The following ELMO1 variants were observed in gnomAD, a reference collection of about 807,000 sequenced individuals.
The protein encoded by ELMO1 is engulfment and cell motility 1, also known as engulfment and cell motility protein 1.
Under a neutral mutation model 98.9 loss-of-function variants are expected in ELMO1, and 26 were observed. That is an observed-to-expected ratio of 0.26 (90% CI 0.19 to 0.36). The LOEUF (loss-of-function observed/expected upper bound fraction) is 0.36. ELMO1 is among the 10% of genes least tolerant of loss of function. The probability of loss-of-function intolerance (pLI) is 1.00; values close to 1 mark genes in which losing one functional copy is unlikely to be tolerated. For missense variants in ELMO1, 627 were observed against 935.2 expected, an observed-to-expected ratio of 0.67 and a Z score of 4.30; for synonymous variants, 346 against 346.0, an observed-to-expected ratio of 1.00 and a Z score of 0.00.
chr7:36,914,418 AT>A (rs1784547377), intron 16 of ELMO1, among the ~76,000 whole-genome samples: 1 of 152,212 alleles, frequency 6.6e-6, no homozygotes, highest in African/African-American at 2.4e-5. Flanking sequence ...TGAAATAGAG[AT>A]GATAAAATTT....
chr7:37,425,752 A>G (rs1338870252), intron 1 of ELMO1, among the ~76,000 whole-genome samples: 4 of 152,232 alleles, frequency 2.6e-5, no homozygotes, highest in African/African-American at 9.6e-5. Context: ...TTGGAGAAAA[A>G]GGGAACCTGT....
intron 16 of ELMO1, among the ~76,000 whole-genome samples, chr7:36,941,555 T>C (rs944964806): frequency 1.3e-5 from 2 of 152,220 alleles, no homozygotes; most frequent in African/African-American, 4.8e-5. Context: ...TTCACAAACA[T>C]TTGGTCATGT....
chr7:36,889,729 C>T (rs1055530387), intron 17 of ELMO1, among the ~76,000 whole-genome samples: 1 of 152,188 alleles, frequency 6.6e-6, no homozygotes, highest in Non-Finnish European at 1.5e-5. Flanking sequence ...CCAGAGGTGC[C>T]TGTCACAACG....
chr7:37,101,045 CT>C (rs2129264609), intron 14 of ELMO1, among the ~76,000 whole-genome samples: 1 of 152,362 alleles, frequency 6.6e-6, no homozygotes, highest in East Asian at 1.9e-4. Context: ...CTTCCTGTTT[CT>C]GCATGGCCCA....
chr7:37,124,282 T>C (rs1304672578), intron 14 of ELMO1, among the ~76,000 whole-genome samples: 2 of 152,084 alleles, frequency 1.3e-5, no homozygotes, highest in Non-Finnish European at 2.9e-5. Context: ...AAGTTCTGCC[T>C]AGCGCAATCA....
At chr7:36,960,606 C>CA (rs1280835560) in intron 16 of ELMO1, among the ~76,000 whole-genome samples, 33 of 152,124 alleles carry the variant, frequency 2.2e-4, no homozygotes, top group African/African-American at 8.0e-4. Flanking sequence ...CCATCCCCCC[C>CA]ACTCACTCAC....
chr7:37,261,697 GA>G (rs2130805629), intron 5 of ELMO1, among the ~76,000 whole-genome samples: 1 of 152,182 alleles, frequency 6.6e-6, no homozygotes, highest in South Asian at 2.1e-4. Flanking sequence ...CCGCCTCCCA[GA>G]TTCAAGCGAT....
intron 1 of ELMO1, among the ~76,000 whole-genome samples, chr7:37,420,722 A>C (rs1049518143): frequency 2.0e-5 from 3 of 152,200 alleles, no homozygotes; most frequent in Non-Finnish European, 4.4e-5. Flanking sequence ...ATGCATTTTA[A>C]AGTGATCAAA....
chr7:37,341,262 T>G (rs1257951361), intron 2 of ELMO1, among the ~76,000 whole-genome samples: 1 of 152,190 alleles, frequency 6.6e-6, no homozygotes, highest in African/African-American at 2.4e-5. Context: ...GAGACCAACT[T>G]CCATCTCACT....
intron 15 of ELMO1, among the ~76,000 whole-genome samples, chr7:37,031,552 G>A (rs1794883156): frequency 6.6e-6 from 1 of 152,108 alleles, no homozygotes; most frequent in Non-Finnish European, 1.5e-5. Flanking sequence ...ACTTCCAGGG[G>A]ATTCTTTTAC....
intron 6 of ELMO1, among the ~76,000 whole-genome samples, chr7:37,257,617 C>A (rs984409062): frequency 5.0e-5 from 7 of 140,646 alleles, no homozygotes; most frequent in Admixed American, 2.2e-4. Context: ...CAAGTCCCAG[C>A]ACTTCTGGGA....
At position 37,133,490 on chromosome 7, in the gene ELMO1, T is replaced by C. The variant is rs150784848; in HGVS notation, c.1087-256A>G. On this transcript the variant is annotated intron_variant, in intron 13 of 21. Coordinates refer to ENST00000310758, the MANE Select transcript of ELMO1 (RefSeq NM_014800.11). Reference sequence around the variant, plus strand: ...AGCTAAATATTCAAACATAGGATTATTCTTAGACATGTGACATTGTGAGAA... The same window carrying C: ...AGCTAAATATTCAAACATAGGATTACTCTTAGACATGTGACATTGTGAGAA... Among the ~76,000 whole-genome samples, 344 of 152,306 alleles carry C rather than the reference T, an allele frequency of 2.3e-3. 1 individual carries two copies. The highest frequency in any genetic ancestry group is 7.8e-3 in the African/African-American group (323 of 41,564).
intron 1 of ELMO1, among the ~76,000 whole-genome samples, chr7:37,427,216 CAACT>C (rs1804747350): frequency 6.6e-6 from 1 of 152,196 alleles, no homozygotes; most frequent in Non-Finnish European, 1.5e-5. Context: ...AGAATGACAT[CAACT>C]TCCAGAATAC....
chr7:37,049,128 C>T (rs116984728), intron 15 of ELMO1, among the ~76,000 whole-genome samples: 2,138 of 152,238 alleles, frequency 0.014, 19 homozygotes, highest in Middle Eastern at 0.041. Flanking sequence ...AGCGACCACC[C>T]TGTTAATGTT....
chr7:37,187,322 G>A (rs1791271372), intron 13 of ELMO1, among the ~76,000 whole-genome samples: 1 of 152,160 alleles, frequency 6.6e-6, no homozygotes, highest in Non-Finnish European at 1.5e-5. Context: ...AGATTGGGGT[G>A]ACAGCTAATG....
In ELMO1 at chr7:36,985,027, CAA is replaced by C. The variant is rs915049573; in HGVS notation, c.1437+28270_1437+28271del. On this transcript the variant is annotated intron_variant, in intron 16 of 21. Transcript: ENST00000310758. ...TTGCAGCTAGAAGGGTCCCTACAGG[CAA>C]AGAGTTTCTCGTTCCCCACGCTGCC... The C allele has an allele frequency of 6.1e-6, 6 of 985,290 alleles. No homozygotes were observed. The African/African-American group carries it at 8.7e-5, about 14-fold the overall frequency. 61.0% of individuals were successfully genotyped at this position (985,290 alleles called of 1,614,324 possible).
chr7:37,356,188 T>G (rs1214296605), intron 1 of ELMO1, among the ~76,000 whole-genome samples: 1 of 152,202 alleles, frequency 6.6e-6, no homozygotes, highest in Non-Finnish European at 1.5e-5. Context: ...ACATTTTCTT[T>G]ATCTAGTCTA....
chr7:37,244,334 T>C (rs1794894971), intron 7 of ELMO1, 22 bp downstream of exon 7: 3 of 1,611,334 alleles, frequency 1.9e-6, no homozygotes, highest in Non-Finnish European at 2.5e-6. Flanking sequence ...ATCATCAATA[T>C]CAATCGATCA....
intron 6 of ELMO1, among the ~76,000 whole-genome samples, chr7:37,258,928 C>A (rs1331938733): frequency 4.0e-5 from 6 of 151,852 alleles, no homozygotes; most frequent in Admixed American, 2.0e-4. Flanking sequence ...TATTTTCCCA[C>A]ATAAACCTGA....
Sources: gnomAD v4.1 joint callset for allele counts (sites outside exome capture counted in the v4.1 genomes callset) on GRCh38, gnomAD v4.1.1 for gene constraint, MANE v1.5 for transcripts, NCBI Gene and HGNC (gene_info 2026-07-23, HGNC 2026-07-21) for gene names.